ATRNL1: variants seen among roughly 807,000 people sequenced by gnomAD.
ATRNL1 encodes the protein attractin-like protein 1.
In ATRNL1, 95 loss-of-function variants were observed where a neutral mutation model predicts 182.7. The observed-to-expected ratio is 0.52, with a 90% confidence interval of 0.44 to 0.62. The LOEUF (loss-of-function observed/expected upper bound fraction) is 0.62, where lower values mean the gene tolerates loss of function less well. ATRNL1 is among the 20% of genes least tolerant of loss of function. The pLI is 0.00. For missense variants in ATRNL1, 1,471 were observed against 1,679.5 expected, an observed-to-expected ratio of 0.88 and a Z score of 2.17; for synonymous variants, 576 against 568.3, an observed-to-expected ratio of 1.01 and a Z score of -0.19.
chr10:115,382,692 C>CT (rs34063669), intron 19 of ATRNL1, among the ~76,000 whole-genome samples: 12,499 of 114,224 alleles, frequency 0.11, 1,765 homozygotes, highest in African/African-American at 0.34. Context: ...CTGTTCTTTG[C>CT]TTTTTTTTTT....
intron 26 of ATRNL1, among the ~76,000 whole-genome samples, chr10:115,643,629 A>G (rs1338327935): frequency 6.6e-6 from 1 of 152,196 alleles, no homozygotes; most frequent in African/African-American, 2.4e-5. Context: ...AAAAGGGCAA[A>G]AGATTTGAGT....
intron 19 of ATRNL1, among the ~76,000 whole-genome samples, 162 bp downstream of exon 19, chr10:115,334,581 A>G (rs1439665624): frequency 1.3e-5 from 2 of 152,248 alleles, no homozygotes; most frequent in Non-Finnish European, 2.9e-5. Flanking sequence ...AACTATAAAA[A>G]TTCTGTAATA....
intron 21 of ATRNL1, among the ~76,000 whole-genome samples, chr10:115,458,160 T>C (rs1847618261): frequency 6.6e-6 from 1 of 152,128 alleles, no homozygotes; most frequent in Non-Finnish European, 1.5e-5. Flanking sequence ...GTACCCTACT[T>C]AGCTAAGAAG....
intron 26 of ATRNL1, among the ~76,000 whole-genome samples, chr10:115,725,330 T>G (rs936750690): frequency 6.6e-6 from 1 of 152,154 alleles, no homozygotes; most frequent in Non-Finnish European, 1.5e-5. Context: ...TAGATTACAG[T>G]CCATGGAACT....
At chr10:115,538,557 A>C (rs782737436) in intron 25 of ATRNL1, among the ~76,000 whole-genome samples, 1 of 152,008 alleles carries the variant, frequency 6.6e-6, no homozygotes, top group Non-Finnish European at 1.5e-5. Flanking sequence ...TTTGCTGTTT[A>C]TTTTTGAATA....
At chr10:115,437,602 T>C (rs1846462396) in intron 21 of ATRNL1, among the ~76,000 whole-genome samples, 1 of 152,032 alleles carries the variant, frequency 6.6e-6, no homozygotes, top group African/African-American at 2.4e-5. Context: ...GTACCATTGT[T>C]TAAATGTTTT....
chr10:115,926,890 G>C (rs1353479476), intron 28 of ATRNL1, among the ~76,000 whole-genome samples: 1 of 152,076 alleles, frequency 6.6e-6, no homozygotes, highest in Non-Finnish European at 1.5e-5. Flanking sequence ...AATCGAAAAG[G>C]AGGGACTCTT....
At chr10:115,617,245 C>T (rs1004094832) in intron 26 of ATRNL1, among the ~76,000 whole-genome samples, 2 of 152,238 alleles carry the variant, frequency 1.3e-5, no homozygotes, top group Admixed American at 1.3e-4. Context: ...TGGTTTCAGA[C>T]TTGCATGGGG....
chr10:115,357,950 A>G (rs1856573308), intron 19 of ATRNL1, among the ~76,000 whole-genome samples: 1 of 151,614 alleles, frequency 6.6e-6, no homozygotes, highest in Admixed American at 6.6e-5. Flanking sequence ...GCTCAATTTC[A>G]AAAGCATCTT....
intron 20 of ATRNL1, among the ~76,000 whole-genome samples, chr10:115,408,372 CTTGTT>C (rs1326275231): frequency 6.6e-6 from 1 of 152,090 alleles, no homozygotes; most frequent in African/African-American, 2.4e-5. Context: ...TTTTGTATGT[CTTGTT>C]TTGAGAAATG....
intron 26 of ATRNL1, among the ~76,000 whole-genome samples, chr10:115,550,393 AT>A (rs1217107169): frequency 6.6e-6 from 1 of 151,886 alleles, no homozygotes; most frequent in Admixed American, 6.6e-5. Context: ...CACATAAAAA[AT>A]ATAATATTTA....
chr10:115,808,564 G>A (rs1314640906), intron 27 of ATRNL1, among the ~76,000 whole-genome samples: 1 of 152,100 alleles, frequency 6.6e-6, no homozygotes, highest in Non-Finnish European at 1.5e-5. Flanking sequence ...CTGCTAGATT[G>A]TATGGCTAGG....
rs1554911649 is a variant in ATRNL1 at position 115,268,423 on chromosome 10, G to A, written c.2079G>A (p.Ser693=). ...GGTGTGATGACAAGAAATGCATTTC[G>A]GCAAATAGTAACTGCAGTATGGTTA... The part of the protein sequence containing the change: ...CQWCDDKKCI[S]ANSNCSMSVK... The change falls in exon 13 of 29, where the codon TCG becomes TCA. Residue 693 remains serine (S), a synonymous_variant. Transcript: ENST00000355044. The A allele has an allele frequency of 4.3e-6, 7 of 1,611,366 alleles. No homozygotes were observed. Among genetic ancestry groups the A allele is most frequent in the East Asian group, 2.2e-5 (1 of 44,852 alleles).
intron 1 of ATRNL1, among the ~76,000 whole-genome samples, chr10:115,095,060 T>C (rs997717251): frequency 1.3e-5 from 2 of 152,126 alleles, no homozygotes; most frequent in South Asian, 2.1e-4. Flanking sequence ...TTGCCTGATA[T>C]AAAAAGCAAT....
chr10:115,131,976 A>T (rs1177728151), intron 5 of ATRNL1, among the ~76,000 whole-genome samples: 2 of 152,076 alleles, frequency 1.3e-5, no homozygotes, highest in Non-Finnish European at 2.9e-5. Context: ...ACATGTGCAC[A>T]ACGTGCAGGT....
chr10:115,850,203 G>A (rs1951022724), intron 28 of ATRNL1, among the ~76,000 whole-genome samples: 1 of 152,104 alleles, frequency 6.6e-6, no homozygotes. Flanking sequence ...AATGTTAATG[G>A]TAGGATCTAG....
At chr10:115,138,348 G>T (rs1341412082) in intron 5 of ATRNL1, among the ~76,000 whole-genome samples, 2 of 152,224 alleles carry the variant, frequency 1.3e-5, no homozygotes. Flanking sequence ...GACTCTGTGT[G>T]GGGGTCCAAC....
intron 5 of ATRNL1, among the ~76,000 whole-genome samples, chr10:115,143,885 C>T (rs1308293795): frequency 6.6e-6 from 1 of 152,074 alleles, no homozygotes; most frequent in African/African-American, 2.4e-5. Context: ...TCCAGAGCCC[C>T]ACCTACTAAT....
intron 19 of ATRNL1, among the ~76,000 whole-genome samples, chr10:115,369,014 G>A (rs1465691341): frequency 3.3e-5 from 5 of 151,900 alleles, no homozygotes; most frequent in East Asian, 1.9e-4. Flanking sequence ...GCGCCCAGCC[G>A]TAAATTTGAG....
Sources: allele counts gnomAD v4.1 joint callset (sites outside exome capture counted in the v4.1 genomes callset), GRCh38; gene constraint gnomAD v4.1.1; transcripts MANE v1.5; gene names NCBI Gene and HGNC (gene_info 2026-07-23, HGNC 2026-07-21).